The following FOXP2 variants were observed in gnomAD, a reference collection of about 807,000 sequenced individuals.
FOXP2 encodes the protein forkhead box protein P2.
A neutral mutation model predicts 115.8 loss-of-function variants in FOXP2; 12 were observed. The ratio of observed to expected loss-of-function variants is 0.10; its 90% CI spans 0.07 to 0.17. FOXP2 has a LOEUF of 0.17. Among genes scored for constraint, FOXP2 ranks in the 10% least tolerant of loss-of-function variants. The probability of loss-of-function intolerance (pLI) is 1.00; values close to 1 mark genes in which losing one functional copy is unlikely to be tolerated. For missense variants in FOXP2, 629 were observed against 843.5 expected, an observed-to-expected ratio of 0.75 and a Z score of 3.15; for synonymous variants, 328 against 297.7, an observed-to-expected ratio of 1.10 and a Z score of -1.05.
At chr7:114,575,163 A>G (rs1299308544) in intron 3 of FOXP2, among the ~76,000 whole-genome samples, 1 of 151,842 alleles carries the variant, frequency 6.6e-6, no homozygotes, top group Non-Finnish European at 1.5e-5. Context: ...TAACTGGGCC[A>G]GTTTCTTAAC....
chr7:114,267,657 G>T (rs1795925369), intron 1 of FOXP2, among the ~76,000 whole-genome samples: 2 of 151,508 alleles, frequency 1.3e-5, no homozygotes, highest in Middle Eastern at 3.2e-3. Flanking sequence ...AACCCAGGAG[G>T]CAGAGGTTGC....
At chr7:114,578,205 A>T (rs1473835632) in intron 3 of FOXP2, among the ~76,000 whole-genome samples, 3 of 151,996 alleles carry the variant, frequency 2.0e-5, no homozygotes, top group Admixed American at 6.6e-5. Flanking sequence ...AAACTCTTTT[A>T]TATTGAGGCT....
At chr7:114,363,520 G>A (rs117318610) in intron 2 of FOXP2, among the ~76,000 whole-genome samples, 92 of 152,154 alleles carry the variant, frequency 6.0e-4, no homozygotes, top group Non-Finnish European at 1.1e-3. Context: ...GTTTTATTTG[G>A]TTCTGAGCAC....
At chr7:114,149,326 A>C (rs1041901996) in intron 1 of FOXP2, among the ~76,000 whole-genome samples, 1 of 152,018 alleles carries the variant, frequency 6.6e-6, no homozygotes, top group African/African-American at 2.4e-5. Flanking sequence ...GAATACCTCC[A>C]TCATTTGACA....
chr7:114,599,957 T>A (rs1802933413), intron 3 of FOXP2, among the ~76,000 whole-genome samples: 1 of 152,142 alleles, frequency 6.6e-6, no homozygotes, highest in Non-Finnish European at 1.5e-5. Context: ...CCACCCTCAG[T>A]TTCCCCTGTT....
At chr7:114,686,082 T>G (rs1808347179) in intron 16 of FOXP2, among the ~76,000 whole-genome samples, 1 of 152,150 alleles carries the variant, frequency 6.6e-6, no homozygotes, top group Non-Finnish European at 1.5e-5. Context: ...CTAAATATAC[T>G]TTCATATATG....
intron 2 of FOXP2, among the ~76,000 whole-genome samples, chr7:114,404,050 C>T (rs1024984311): frequency 1.3e-5 from 2 of 152,018 alleles, no homozygotes; most frequent in Non-Finnish European, 2.9e-5. Flanking sequence ...CTATAGTTAG[C>T]TTTATATATG....
chr7:114,386,046 A>G (rs925276006), intron 2 of FOXP2, among the ~76,000 whole-genome samples: 11 of 152,330 alleles, frequency 7.2e-5, no homozygotes, highest in Non-Finnish European at 1.5e-4. Flanking sequence ...TTGCAGGAAC[A>G]ATGGCAAGCC....
intron 2 of FOXP2, among the ~76,000 whole-genome samples, chr7:114,506,215 C>G (rs546736892): frequency 4.0e-5 from 6 of 151,682 alleles, no homozygotes; most frequent in Non-Finnish European, 8.9e-5. Flanking sequence ...AATTTACCAA[C>G]TAATCAAGAT....
chr7:114,625,747 A>G (rs1804534698), intron 3 of FOXP2, among the ~76,000 whole-genome samples: 1 of 151,764 alleles, frequency 6.6e-6, no homozygotes, highest in Non-Finnish European at 1.5e-5. Context: ...TTTGTTGTAG[A>G]AAAAACTAGT....
At chr7:114,272,169 T>C (rs1796080446) in intron 1 of FOXP2, among the ~76,000 whole-genome samples, 1 of 149,952 alleles carries the variant, frequency 6.7e-6, no homozygotes, top group Non-Finnish European at 1.5e-5. Context: ...CTTTAGTATG[T>C]TGTTGTGATG....
At chr7:114,512,626 T>C (rs1798130684) in intron 2 of FOXP2, among the ~76,000 whole-genome samples, 2 of 152,120 alleles carry the variant, frequency 1.3e-5, no homozygotes, top group African/African-American at 4.8e-5. Context: ...ATAAGGAATA[T>C]TGTCTTTAAG....
chr7:114,505,588 A>T (rs1336554327), intron 2 of FOXP2, among the ~76,000 whole-genome samples: 1 of 151,462 alleles, frequency 6.6e-6, no homozygotes, highest in Non-Finnish European at 1.5e-5. Context: ...AAATCAACAC[A>T]AAAGTTTTTG....
intron 1 of FOXP2, among the ~76,000 whole-genome samples, chr7:114,170,673 C>T (rs968858655): frequency 2.0e-5 from 3 of 152,194 alleles, no homozygotes; most frequent in African/African-American, 7.2e-5. Context: ...CCAGCCACAA[C>T]ATTCCCCTAA....
intron 16 of FOXP2, among the ~76,000 whole-genome samples, chr7:114,675,540 C>T (rs925630574): frequency 6.6e-6 from 1 of 152,106 alleles, no homozygotes; most frequent in South Asian, 2.1e-4. Context: ...CAAATTGGAA[C>T]TAATTTGAAT....
chr7:114,542,794 G>GTTT (rs201884118), intron 3 of FOXP2, among the ~76,000 whole-genome samples: 2 of 138,942 alleles, frequency 1.4e-5, no homozygotes, highest in African/African-American at 5.2e-5. Flanking sequence ...TTTGTTTTTT[G>GTTT]TTTTTTTTTT....
intron 1 of FOXP2, among the ~76,000 whole-genome samples, chr7:114,234,547 C>T (rs1204381614): frequency 6.6e-6 from 1 of 152,174 alleles, no homozygotes; most frequent in Admixed American, 6.5e-5. Flanking sequence ...TAGGTTACGA[C>T]ATGAATTACT....
intron 16 of FOXP2, among the ~76,000 whole-genome samples, chr7:114,689,383 G>A (rs1808538752): frequency 6.6e-6 from 1 of 152,064 alleles, no homozygotes; most frequent in Non-Finnish European, 1.5e-5. Flanking sequence ...AATAACAGTT[G>A]TTATCTTAAT....
chr7:114,124,301 A>G (rs1259016900), intron 1 of FOXP2, among the ~76,000 whole-genome samples: 1 of 152,110 alleles, frequency 6.6e-6, no homozygotes, highest in Non-Finnish European at 1.5e-5. Flanking sequence ...TGCTATTCAT[A>G]CCAATCTCCA....
Sources: gnomAD v4.1 joint callset for allele counts (sites outside exome capture counted in the v4.1 genomes callset) on GRCh38, gnomAD v4.1.1 for gene constraint, MANE v1.5 for transcripts, NCBI Gene and HGNC (gene_info 2026-07-23, HGNC 2026-07-21) for gene names.